The following RADIL variants were observed in gnomAD, a reference collection of about 807,000 sequenced individuals.
RADIL encodes Rap associating with DIL domain.
Under a neutral mutation model 97.6 loss-of-function variants are expected in RADIL, and 99 were observed. That is an observed-to-expected ratio of 1.01 (90% CI 0.86 to 1.20). The LOEUF (loss-of-function observed/expected upper bound fraction) is 1.20, where lower values mean the gene tolerates loss of function less well. RADIL is among the 50% of genes most tolerant of loss of function. RADIL has a pLI of 0.00. For missense variants in RADIL, 1,765 were observed against 1,498.9 expected (o/e 1.18, Z -2.93); for synonymous variants, 803 against 691.8 (o/e 1.16, Z -2.52).
rs754875128 is a variant in RADIL, at chr7:4,877,651, C to T, written c.489G>A (p.Ser163=). ...CCTTGGCTGCCAGCTCCTCCACGTCCGACCTCTTCCTCAGCTCAAACCTCC... is the reference window on the plus strand; with the variant it reads ...CCTTGGCTGCCAGCTCCTCCACGTCTGACCTCTTCCTCAGCTCAAACCTCC... ...LSRRFELRKR[S]DVEELAAKEV... The change falls in exon 2 of 15, where the codon TCG becomes TCA. Residue 163 remains serine, a synonymous_variant. Coordinates refer to ENST00000399583, the MANE Select transcript of RADIL (RefSeq NM_018059.5). 6.1e-5 allele frequency: 99 copies of T among 1,612,598 alleles called. 1 individual carries two copies. The highest frequency in any genetic ancestry group is 1.6e-4 in the Middle Eastern group (1 of 6,072).
chr7:4,829,623 A>G (rs1435138977), intron 5 of RADIL, among the ~76,000 whole-genome samples: 1 of 152,098 alleles, frequency 6.6e-6, no homozygotes, highest in African/African-American at 2.4e-5. Flanking sequence ...TAGCTCCCAC[A>G]ATTCCCACAT....
At position 4,872,407 on chromosome 7, in the gene RADIL, G is replaced by A. The variant is rs771475747; in HGVS notation, c.535+5198C>T. 2.6e-5 allele frequency among the ~76,000 whole-genome samples: 4 copies of A among 152,126 alleles called. No individual in the cohort carries two copies. In the South Asian group the frequency reaches 6.2e-4, roughly 24 times the overall value. ...GGCCAGCCCTCCCCGGGCTCTGCGCGGGTTTAACACTTACCCCTCCTGCAA... is the reference window on the plus strand; with the variant it reads ...GGCCAGCCCTCCCCGGGCTCTGCGCAGGTTTAACACTTACCCCTCCTGCAA... On this transcript the variant is annotated intron_variant, in intron 2 of 14. Transcript: ENST00000399583. This position sits in a 1 kb window ranked among gnomAD's most constrained non-coding sequence, Gnocchi z 5.8.
At position 4,822,363 on chromosome 7, in the gene RADIL, C is replaced by G. The variant is rs760789544; in HGVS notation, c.1615+31G>C. 2 of 1,588,622 alleles carry G rather than the reference C, an allele frequency of 1.3e-6. No homozygotes were observed. The highest frequency in any genetic ancestry group is 1.7e-6 in the Non-Finnish European group (2 of 1,168,786). ...CACACTCCCCTGCCTGGGGTGCTGGCGGGGGGAATGGAGGGCAGCGCCAGC... is the reference window on the plus strand; with the variant it reads ...CACACTCCCCTGCCTGGGGTGCTGGGGGGGGGAATGGAGGGCAGCGCCAGC... On this transcript the variant is annotated intron_variant, in intron 6 of 14. Coordinates refer to ENST00000399583, the MANE Select transcript of RADIL (RefSeq NM_018059.5). The surrounding 1 kb of genome is among the most constrained non-coding windows in gnomAD (Gnocchi z 5.3).
chr7:4,855,208 T>C (rs1374072690), intron 2 of RADIL, among the ~76,000 whole-genome samples: 3 of 152,198 alleles, frequency 2.0e-5, no homozygotes, highest in Non-Finnish European at 4.4e-5. Context: ...TTTCGGCTAC[T>C]ACAAAACGTT....
chr7:4,836,220 C>T (rs1336860324), intron 3 of RADIL, 138 bp downstream of exon 3: 4 of 1,349,994 alleles, frequency 3.0e-6, no homozygotes, highest in South Asian at 1.3e-5. Context: ...ACTCCACAGC[C>T]TCGGCACAGC....
chr7:4,826,823 T>C (rs893859277), intron 5 of RADIL, among the ~76,000 whole-genome samples: 2 of 149,488 alleles, frequency 1.3e-5, no homozygotes, highest in African/African-American at 4.9e-5. Context: ...AAACAGATGG[T>C]AAAAATGTGG....
At chr7:4,825,969 G>A (rs945756645) in intron 5 of RADIL, among the ~76,000 whole-genome samples, 3 of 151,730 alleles carry the variant, frequency 2.0e-5, no homozygotes, top group Non-Finnish European at 4.4e-5. Flanking sequence ...GGGGCCAGGT[G>A]CGGTAGCTCA....
intron 5 of RADIL, 132 bp downstream of exon 5, chr7:4,832,009 T>C (rs1448661563): frequency 2.1e-6 from 2 of 939,210 alleles, no homozygotes; most frequent in African/African-American, 3.3e-5. Context: ...AGGCCGCTGC[T>C]TGGATGGAAG....
chr7:4,861,243 G>T (rs1022944609), intron 2 of RADIL: 1 of 1,614,070 alleles, frequency 6.2e-7, no homozygotes. Context: ...TTTTTAAGTA[G>T]ACTGTCATCT....
At chr7:4,807,016 G>C (rs953286079) in intron 9 of RADIL, among the ~76,000 whole-genome samples, 2 of 152,104 alleles carry the variant, frequency 1.3e-5, no homozygotes, top group African/African-American at 4.8e-5. Context: ...CCACCTCAAT[G>C]CGTGGCTCTG....
At position 4,847,739 on chromosome 7, in the gene RADIL, C is replaced by CAAAAAAAAAAAAAAAAAAAA. The variant is rs56177809; in HGVS notation, c.536-11154_536-11135dup. On this transcript the variant is annotated intron_variant, in intron 2 of 14. Transcript: ENST00000399583. ...TATGCTACGTGAAAAAAGCTAGATG[C>CAAAAAAAAAAAAAAAAAAAA]AAAAAAAAAAAAAAAAAAAAAAAAA... Among the ~76,000 whole-genome samples the CAAAAAAAAAAAAAAAAAAAA allele has an allele frequency of 2.1e-4, 5 of 23,806 alleles. 1 individual carries two copies. The highest frequency in any genetic ancestry group is 3.1e-4 in the African/African-American group (2 of 6,398). 15.6% of individuals were successfully genotyped at this position (23,806 alleles called of 152,430 possible).
intron 2 of RADIL, among the ~76,000 whole-genome samples, chr7:4,876,654 A>G (rs1209767420): frequency 6.6e-6 from 1 of 152,152 alleles, no homozygotes; most frequent in Non-Finnish European, 1.5e-5. Context: ...CTTTCCACCA[A>G]TTGAATAAAT....
Position 4,822,663 on chromosome 7 carries a change from A to G in RADIL, c.1455-109T>C. On this transcript the variant is annotated intron_variant, in intron 5 of 14. Transcript: ENST00000399583. This position sits in a 1 kb window ranked among gnomAD's most constrained non-coding sequence, Gnocchi z 5.3. ...GCGTTTTCATGGGACGCTGACAACA[A>G]CTGCAACCATCAACCTGACACTGCT... 2.4e-6 allele frequency: 3 copies of G among 1,267,960 alleles called. No homozygotes were observed. The highest frequency in any genetic ancestry group is 3.3e-6 in the Non-Finnish European group (3 of 918,652). 78.5% of individuals were successfully genotyped at this position (1,267,960 alleles called of 1,614,324 possible).
chr7:4,851,723 C>G (rs1783713419), intron 2 of RADIL, among the ~76,000 whole-genome samples: 1 of 152,098 alleles, frequency 6.6e-6, no homozygotes, highest in Non-Finnish European at 1.5e-5. Flanking sequence ...TAAGAGGCAA[C>G]AGGAGAGAGA....
intron 2 of RADIL, among the ~76,000 whole-genome samples, chr7:4,874,574 C>T (rs111962857): frequency 0.021 from 3,155 of 152,298 alleles, 112 homozygotes; most frequent in African/African-American, 0.067. Context: ...GATGAGTGCC[C>T]GAGGCCCAGG....
intron 2 of RADIL, among the ~76,000 whole-genome samples, chr7:4,848,267 A>G (rs1482541775): frequency 6.6e-6 from 1 of 152,020 alleles, no homozygotes; most frequent in Non-Finnish European, 1.5e-5. Flanking sequence ...ATGATCACAC[A>G]ACTTTGTAAA....
Position 4,822,336 on chromosome 7 carries a change from G to T in RADIL, c.1615+58C>A, listed in dbSNP as rs555989944. 7,207 of 1,538,880 alleles carry T rather than the reference G, an allele frequency of 4.7e-3. 17 individuals are homozygous for T. The highest frequency in any genetic ancestry group is 5.7e-3 in the Non-Finnish European group (6,477 of 1,139,654). ...TAGGTTCCGAGGACGGCGAGGAGAT[G>T]CCACACTCCCCTGCCTGGGGTGCTG... On this transcript the variant is annotated intron_variant, in intron 6 of 14. Coordinates refer to ENST00000399583, the MANE Select transcript of RADIL (RefSeq NM_018059.5). The surrounding 1 kb of genome is among the most constrained non-coding windows in gnomAD (Gnocchi z 5.3).
rs13245007 is a variant in RADIL at position 4,846,131 on chromosome 7, T to C, written c.536-9526A>G. ...TCCAGAGCTACAATCTTCTTTTTTTTTTTTTTTTTTTTTTAAAGAGACGGA... is the reference window on the plus strand; with the variant it reads ...TCCAGAGCTACAATCTTCTTTTTTTCTTTTTTTTTTTTTTAAAGAGACGGA... On this transcript the variant is annotated intron_variant, in intron 2 of 14. Coordinates refer to ENST00000399583, the MANE Select transcript of RADIL (RefSeq NM_018059.5). Among the ~76,000 whole-genome samples the C allele has an allele frequency of 8.9e-3, 1,224 of 137,202 alleles. 20 individuals are homozygous for C. The highest frequency in any genetic ancestry group is 0.031 in the African/African-American group (943 of 30,146). The allele number at this position is 137,202 out of a possible 152,430, so 90.0% of individuals were successfully genotyped here.
chr7:4,847,753 A>C (rs1783608913), intron 2 of RADIL, among the ~76,000 whole-genome samples: 1 of 150,276 alleles, frequency 6.7e-6, no homozygotes, highest in African/African-American at 2.4e-5. Flanking sequence ...AAAAAAAAAA[A>C]AAAAAAAAAA....
Sources: gnomAD v4.1 joint callset for allele counts (sites outside exome capture counted in the v4.1 genomes callset) on GRCh38, gnomAD v4.1.1 for gene constraint, Gnocchi (gnomAD v3.1) non-coding constraint, MANE v1.5 for transcripts, NCBI Gene and HGNC (gene_info 2026-07-23, HGNC 2026-07-21) for gene names.